The following SMYD3 variants were observed in gnomAD, a reference collection of about 807,000 sequenced individuals.
SMYD3 encodes histone-lysine N-methyltransferase SMYD3.
A neutral mutation model predicts 57.7 loss-of-function variants in SMYD3; 36 were observed. That is an observed-to-expected ratio of 0.62 (90% CI 0.48 to 0.82). The LOEUF is 0.82. SMYD3 is among the 40% of genes least tolerant of loss of function. SMYD3 has a pLI of 0.00. For missense variants in SMYD3, 515 were observed against 538.8 expected (o/e 0.96, Z 0.44); for synonymous variants, 211 against 195.0 (o/e 1.08, Z -0.68).
chr1:245,906,970 A>G (rs1476754384), intron 8 of SMYD3, among the ~76,000 whole-genome samples: 1 of 152,170 alleles, frequency 6.6e-6, no homozygotes, highest in Non-Finnish European at 1.5e-5. Context: ...ATTTATTACT[A>G]AAAAATCACA....
rs1558551422 is a variant in SMYD3 at position 245,977,048 on chromosome 1, C to CTA, written c.532-47112_532-47111insTA. On this transcript the variant is annotated intron_variant, in intron 5 of 11. Coordinates refer to ENST00000490107, the MANE Select transcript of SMYD3 (RefSeq NM_001167740.2). ...CTAGCCCAGGGAAAGCCATCGTCTC[C>CTA]GGCCCAGGGAAAGCCATCGTCTCTA... Among the ~76,000 whole-genome samples, 2 of 9,884 alleles carry CTA rather than the reference C, an allele frequency of 2.0e-4. 1 individual carries two copies. The highest frequency in any genetic ancestry group is 4.2e-4 in the African/African-American group (2 of 4,770). 6.5% of individuals were successfully genotyped at this position (9,884 alleles called of 152,430 possible).
chr1:246,496,091 C>T (rs1333483544), intron 1 of SMYD3, among the ~76,000 whole-genome samples: 3 of 151,894 alleles, frequency 2.0e-5, no homozygotes, highest in Admixed American at 6.6e-5. Flanking sequence ...GGCTGGAGTG[C>T]AGTGGCATGA....
intron 5 of SMYD3, among the ~76,000 whole-genome samples, chr1:246,232,578 C>G (rs1414168764): frequency 1.4e-5 from 2 of 143,542 alleles, no homozygotes; most frequent in Non-Finnish European, 3.0e-5. Context: ...TCAATTCACA[C>G]TGTGATGAAC....
chr1:246,301,725 T>C (rs1460434178), intron 5 of SMYD3, among the ~76,000 whole-genome samples: 2 of 152,174 alleles, frequency 1.3e-5, no homozygotes, highest in Non-Finnish European at 2.9e-5. Context: ...GGGCAACTGA[T>C]GTGTCTTTTT....
At chr1:245,814,706 A>C (rs1451431336) in intron 10 of SMYD3, among the ~76,000 whole-genome samples, 1 of 152,132 alleles carries the variant, frequency 6.6e-6, no homozygotes, top group Non-Finnish European at 1.5e-5. Context: ...ATGAGGAATA[A>C]ACTTTAAGAT....
At chr1:246,311,452 A>G (rs1333844722) in intron 5 of SMYD3, among the ~76,000 whole-genome samples, 1 of 152,272 alleles carries the variant, frequency 6.6e-6, no homozygotes, top group Non-Finnish European at 1.5e-5. Flanking sequence ...ACAAAATGTC[A>G]TCACATCCTT....
At chr1:245,823,624 C>G (rs1312829099) in intron 10 of SMYD3, among the ~76,000 whole-genome samples, 1 of 152,236 alleles carries the variant, frequency 6.6e-6, no homozygotes, top group African/African-American at 2.4e-5. Flanking sequence ...GTTCCAACTT[C>G]CACCTTGTTG....
At chr1:246,442,720 A>G (rs2067488733) in intron 1 of SMYD3, among the ~76,000 whole-genome samples, 3 of 152,198 alleles carry the variant, frequency 2.0e-5, no homozygotes, top group Non-Finnish European at 4.4e-5. Context: ...TGAACACAGT[A>G]TTGAAATAGG....
intron 9 of SMYD3, among the ~76,000 whole-genome samples, chr1:245,862,807 G>A (rs949470295): frequency 2.6e-5 from 4 of 152,164 alleles, no homozygotes; most frequent in Non-Finnish European, 5.9e-5. Flanking sequence ...TGACTCTGTG[G>A]ATTCATTCGC....
At chr1:246,309,793 A>G (rs1417675772) in intron 5 of SMYD3, among the ~76,000 whole-genome samples, 1 of 152,214 alleles carries the variant, frequency 6.6e-6, no homozygotes, top group Non-Finnish European at 1.5e-5. Flanking sequence ...ATCCCACCCA[A>G]TTCTAGAAAT....
intron 10 of SMYD3, among the ~76,000 whole-genome samples, chr1:245,842,315 C>T (rs933845124): frequency 3.0e-4 from 45 of 152,180 alleles, no homozygotes; most frequent in African/African-American, 1.1e-3. Flanking sequence ...CTAGGCTCTT[C>T]GTGGACTTGG....
chr1:246,074,030 G>C (rs534740784), intron 5 of SMYD3, among the ~76,000 whole-genome samples: 2 of 152,162 alleles, frequency 1.3e-5, no homozygotes, highest in Non-Finnish European at 1.5e-5. Flanking sequence ...ACGCAAACTT[G>C]CAAACTTTCT....
chr1:245,997,088 G>A (rs1043952946), intron 5 of SMYD3, among the ~76,000 whole-genome samples: 5 of 145,666 alleles, frequency 3.4e-5, no homozygotes, highest in African/African-American at 1.3e-4. Context: ...TAGGGCTTCC[G>A]AACTCAGTTC....
At chr1:246,231,888 G>A (rs563082550) in intron 5 of SMYD3, among the ~76,000 whole-genome samples, 12 of 152,320 alleles carry the variant, frequency 7.9e-5, no homozygotes, top group African/African-American at 2.9e-4. Context: ...GGGAAAAAGT[G>A]AGATGAAAAT....
At chr1:246,504,946 C>T (rs1016978016) in intron 1 of SMYD3, among the ~76,000 whole-genome samples, 5 of 152,218 alleles carry the variant, frequency 3.3e-5, no homozygotes, top group African/African-American at 1.2e-4. Flanking sequence ...TTCCCTAACA[C>T]TATTTTCAGG....
intron 10 of SMYD3, among the ~76,000 whole-genome samples, chr1:245,792,097 T>G (rs1484307059): frequency 3.9e-5 from 6 of 152,066 alleles, no homozygotes; most frequent in Non-Finnish European, 8.8e-5. Context: ...CCTAGAGGGT[T>G]TACAACTGAG....
chr1:246,488,984 CCTCT>C (rs146973433), intron 1 of SMYD3, among the ~76,000 whole-genome samples: 3 of 150,586 alleles, frequency 2.0e-5, no homozygotes, highest in Non-Finnish European at 4.4e-5. Flanking sequence ...TTTAACAAGT[CCTCT>C]CTCTCTCTCT....
chr1:245,958,271 A>G (rs2057907667), intron 5 of SMYD3, among the ~76,000 whole-genome samples: 1 of 152,210 alleles, frequency 6.6e-6, no homozygotes, highest in African/African-American at 2.4e-5. Context: ...GGAATGAGCT[A>G]TAAAATAACA....
chr1:246,472,838 G>A (rs984689870), intron 1 of SMYD3, among the ~76,000 whole-genome samples: 1 of 146,978 alleles, frequency 6.8e-6, no homozygotes, highest in Non-Finnish European at 1.5e-5. Flanking sequence ...GTCTCCCGCA[G>A]TTACTCTCAA....
Sources: allele counts gnomAD v4.1 joint callset (sites outside exome capture counted in the v4.1 genomes callset), GRCh38; gene constraint gnomAD v4.1.1; transcripts MANE v1.5; gene names NCBI Gene and HGNC (gene_info 2026-07-23, HGNC 2026-07-21).